ACVR1: variants seen among roughly 807,000 people sequenced by gnomAD.
The protein encoded by ACVR1 is activin A receptor type 1, also known as activin receptor type-1.
Under a neutral mutation model 57.1 loss-of-function variants are expected in ACVR1, and 38 were observed. The ratio of observed to expected loss-of-function variants is 0.67; its 90% CI spans 0.51 to 0.87. The LOEUF (loss-of-function observed/expected upper bound fraction) is 0.87. ACVR1 is among the 40% of genes least tolerant of loss of function. The pLI is 0.00. For synonymous variants in ACVR1, 212 were observed against 228.1 expected (o/e 0.93, Z 0.63); for missense variants, 463 against 638.2 (o/e 0.73, Z 2.96).
chr2:157,852,556 G>A (rs929723989), intron 1 of ACVR1, among the ~76,000 whole-genome samples: 5 of 149,288 alleles, frequency 3.3e-5, no homozygotes, highest in Admixed American at 2.7e-4. Flanking sequence ...AGGGAAACTA[G>A]ACTCAAATAT....
At chr2:157,835,289 T>C (rs1688741330) in intron 1 of ACVR1, among the ~76,000 whole-genome samples, 1 of 152,186 alleles carries the variant, frequency 6.6e-6, no homozygotes, top group Non-Finnish European at 1.5e-5. Context: ...CCTCAGGAGC[T>C]AACTTAATGT....
intron 9 of ACVR1, among the ~76,000 whole-genome samples, chr2:157,743,365 G>A (rs1351392048): frequency 6.6e-6 from 1 of 152,040 alleles, no homozygotes; most frequent in African/African-American, 2.4e-5. Context: ...ACAGTGACTT[G>A]ATCTATTTAT....
chr2:157,835,730 G>A (rs2105349326), intron 1 of ACVR1, among the ~76,000 whole-genome samples: 1 of 152,184 alleles, frequency 6.6e-6, no homozygotes, highest in South Asian at 2.1e-4. Context: ...CCCACAGTAG[G>A]GCTGAAAACC....
rs72999465 is a variant in ACVR1 at position 157,822,848 on chromosome 2, A to G, written c.-182-4289T>C. On this transcript the variant is annotated intron_variant, in intron 1 of 10. Transcript: ENST00000434821. ...AAATATTTACTACCTGGCCCTTTAG[A>G]AAGAGACTTTGTTGACCACTGCAAT... Among the ~76,000 whole-genome samples, 651 of 152,324 alleles carry G rather than the reference A, an allele frequency of 4.3e-3. 6 individuals are homozygous for G. Among genetic ancestry groups the G allele is most frequent in the East Asian group, 0.014 (75 of 5,194 alleles).
chr2:157,809,982 G>A (rs576470696), intron 2 of ACVR1, among the ~76,000 whole-genome samples: 84 of 152,166 alleles, frequency 5.5e-4, no homozygotes, highest in African/African-American at 2.0e-3. Flanking sequence ...AGGCTGGGAC[G>A]ACAAGATTAC....
At chr2:157,747,343 T>C (rs1184031805) in intron 9 of ACVR1, among the ~76,000 whole-genome samples, 1 of 152,180 alleles carries the variant, frequency 6.6e-6, no homozygotes, top group Non-Finnish European at 1.5e-5. Flanking sequence ...AGTCTACTTA[T>C]TTTCAGATTA....
chr2:157,780,440 C>A lies in ACVR1; in HGVS notation c.228G>T (p.Gln76His). 6.2e-7 allele frequency: 1 copy of A among 1,614,178 alleles called. No individual in the cohort carries two copies. The highest frequency in any genetic ancestry group is 8.5e-7 in the Non-Finnish European group (1 of 1,180,030). The change falls in exon 4 of 11, where the codon CAG (glutamine) becomes CAT (histidine). Residue 76 changes from glutamine (Q) to histidine (H), a missense_variant. Transcript: ENST00000434821. ...YQKGCFQVYE[Q>H]GKMTCKTPPS... Reference sequence around the variant, plus strand: ...GCGGGGTCTTACAGGTCATCTTTCCCTGCTCATAAACCTGGAAGCAGCCTT... The same window carrying A: ...GCGGGGTCTTACAGGTCATCTTTCCATGCTCATAAACCTGGAAGCAGCCTT...
intron 1 of ACVR1, among the ~76,000 whole-genome samples, chr2:157,873,332 T>C (rs996922008): frequency 6.6e-6 from 1 of 152,200 alleles, no homozygotes; most frequent in Non-Finnish European, 1.5e-5. Context: ...ATGGTGTTTG[T>C]GGAAATGTCA....
At chr2:157,869,043 T>C (rs956396323) in intron 1 of ACVR1, among the ~76,000 whole-genome samples, 4 of 152,210 alleles carry the variant, frequency 2.6e-5, no homozygotes, top group African/African-American at 9.6e-5. Flanking sequence ...CCTCTCATCC[T>C]TTGGGTGTGT....
chr2:157,783,137 G>C (rs1189334738), intron 3 of ACVR1, among the ~76,000 whole-genome samples: 1 of 152,138 alleles, frequency 6.6e-6, no homozygotes, highest in Admixed American at 6.5e-5. Context: ...GGAACCAAAG[G>C]ATTAAGGACA....
chr2:157,755,370 T>TC (rs1346157452), intron 9 of ACVR1, among the ~76,000 whole-genome samples: 1 of 152,010 alleles, frequency 6.6e-6, no homozygotes, highest in African/African-American at 2.4e-5. Flanking sequence ...CCCTAAAGAC[T>TC]CCTCCAAAAA....
intron 2 of ACVR1, among the ~76,000 whole-genome samples, chr2:157,800,944 C>T (rs1424205394): frequency 1.3e-5 from 2 of 151,980 alleles, no homozygotes; most frequent in East Asian, 1.9e-4. Flanking sequence ...GATTCCGGCT[C>T]AAAGGTAAGC....
intron 6 of ACVR1, among the ~76,000 whole-genome samples, chr2:157,771,423 T>C (rs1205979006): frequency 1.3e-5 from 2 of 152,144 alleles, no homozygotes; most frequent in Admixed American, 6.5e-5. Flanking sequence ...TCTTTAATTA[T>C]AGGTAGGGGT....
intron 8 of ACVR1, among the ~76,000 whole-genome samples, chr2:157,762,120 TC>T (rs1685681080): frequency 6.6e-6 from 1 of 152,200 alleles, no homozygotes; most frequent in Non-Finnish European, 1.5e-5. Context: ...ATTTTTATAA[TC>T]AACCCCAAGA....
At chr2:157,837,921 G>A (rs762457920) in intron 1 of ACVR1, among the ~76,000 whole-genome samples, 4 of 152,228 alleles carry the variant, frequency 2.6e-5, no homozygotes, top group Non-Finnish European at 4.4e-5. Flanking sequence ...GTCTCCTGCA[G>A]TTGGCACGAA....
At chr2:157,790,730 G>A (rs1686880905) in intron 3 of ACVR1, among the ~76,000 whole-genome samples, 1 of 152,186 alleles carries the variant, frequency 6.6e-6, no homozygotes, top group Non-Finnish European at 1.5e-5. Context: ...ATGTGTGCCT[G>A]CCTGTCCCTA....
chr2:157,762,204 T>C (rs2848645), intron 8 of ACVR1, among the ~76,000 whole-genome samples: 2,928 of 152,316 alleles, frequency 0.019, 92 homozygotes, highest in African/African-American at 0.066. Flanking sequence ...TTACCCGCAG[T>C]CAACTACAGT....
intron 1 of ACVR1, among the ~76,000 whole-genome samples, chr2:157,836,155 C>T (rs752024770): frequency 3.3e-5 from 5 of 152,312 alleles, no homozygotes; most frequent in African/African-American, 7.2e-5. Context: ...CATGGGGAGT[C>T]GTATTTCCTC....
chr2:157,842,932 TA>T (rs1360966166), intron 1 of ACVR1, among the ~76,000 whole-genome samples: 2 of 152,180 alleles, frequency 1.3e-5, no homozygotes, highest in Non-Finnish European at 2.9e-5. Flanking sequence ...ACAGTGTATT[TA>T]ATCACATCTC....
Sources: allele counts gnomAD v4.1 joint callset (sites outside exome capture counted in the v4.1 genomes callset), GRCh38; gene constraint gnomAD v4.1.1; transcripts MANE v1.5; gene names NCBI Gene and HGNC (gene_info 2026-07-23, HGNC 2026-07-21).